Variants in MYRFL observed in about 807,000 individuals in gnomAD.
The protein encoded by MYRFL is myelin regulatory factor like.
Under a neutral mutation model 109.4 loss-of-function variants are expected in MYRFL, and 88 were observed. That is an observed-to-expected ratio of 0.80 (90% CI 0.68 to 0.96). The LOEUF is 0.96. Among genes scored for constraint, MYRFL ranks in the 40% least tolerant of loss-of-function variants. The pLI is 0.00. For missense variants in MYRFL, 957 were observed against 954.9 expected, an observed-to-expected ratio of 1.00 and a Z score of -0.03; for synonymous variants, 324 against 320.9, an observed-to-expected ratio of 1.01 and a Z score of -0.10.
Position 69,910,851 on chromosome 12 carries a change from T to C in MYRFL, c.1523T>C (p.Leu508Pro). The C allele has an allele frequency of 6.5e-7, 1 of 1,535,310 alleles. No homozygotes were observed. Among genetic ancestry groups the C allele is most frequent in the Non-Finnish European group, 8.7e-7 (1 of 1,146,350 alleles). ...GMIAQEVQEILPRAVREVGDV... is the reference protein window; with the variant it reads ...GMIAQEVQEIPPRAVREVGDV... ...ATTGCCCAGGAGGTGCAAGAAATCC[T>C]GCCCAGAGCAGTAAGAGAGGTTGGT... The change falls in exon 13 of 25, where the codon CTG becomes CCG. Residue 508 changes from leucine (L) to proline (P), a missense_variant. By Grantham distance (98) the Leu-to-Pro change is moderately conservative (BLOSUM62 -3). Transcript: ENST00000552032.
At chr12:69,912,675 A>G (rs1322586677) in intron 13 of MYRFL, among the ~76,000 whole-genome samples, 1 of 152,134 alleles carries the variant, frequency 6.6e-6, no homozygotes, top group African/African-American at 2.4e-5. Context: ...TTTCACCTTT[A>G]TTCACATTTT....
At chr12:69,943,835 A>G (rs532821609) in intron 19 of MYRFL, among the ~76,000 whole-genome samples, 35 of 152,262 alleles carry the variant, frequency 2.3e-4, no homozygotes, top group Non-Finnish European at 4.6e-4. Context: ...ACACATTTAC[A>G]AGAAAAAAAC....
chr12:69,921,964 A>G (rs927486833), intron 13 of MYRFL, among the ~76,000 whole-genome samples: 3 of 152,236 alleles, frequency 2.0e-5, no homozygotes, highest in African/African-American at 7.2e-5. Flanking sequence ...GAGCTAAATC[A>G]TAAATTAATG....
intron 2 of MYRFL, among the ~76,000 whole-genome samples, chr12:69,859,273 C>A (rs1884490864): frequency 6.6e-6 from 1 of 152,084 alleles, no homozygotes; most frequent in East Asian, 1.9e-4. Context: ...TATGATCTAT[C>A]TTGGTGAATG....
chr12:69,945,266 A>T (rs1418237622), intron 19 of MYRFL, among the ~76,000 whole-genome samples: 1 of 152,136 alleles, frequency 6.6e-6, no homozygotes, highest in Non-Finnish European at 1.5e-5. Context: ...CTTCAGATTC[A>T]CTCACCGCTC....
intron 2 of MYRFL, among the ~76,000 whole-genome samples, chr12:69,868,839 A>G (rs2136327862): frequency 6.6e-6 from 1 of 152,330 alleles, no homozygotes; most frequent in East Asian, 1.9e-4. Context: ...GTACACACAC[A>G]TGCACAGCAT....
At chr12:69,915,020 T>G (rs1954689580) in intron 13 of MYRFL, among the ~76,000 whole-genome samples, 1 of 152,222 alleles carries the variant, frequency 6.6e-6, no homozygotes, top group African/African-American at 2.4e-5. Context: ...TAGACTTTGT[T>G]TGCTAGTTTA....
At chr12:69,851,444 A>G (rs182573928) in intron 1 of MYRFL, among the ~76,000 whole-genome samples, 1 of 152,236 alleles carries the variant, frequency 6.6e-6, no homozygotes, top group African/African-American at 2.4e-5. Context: ...ACTTATGAAC[A>G]TCAAAACATG....
At chr12:69,953,604 C>G (rs1206921487) in intron 21 of MYRFL, among the ~76,000 whole-genome samples, 2 of 151,884 alleles carry the variant, frequency 1.3e-5, no homozygotes, top group Non-Finnish European at 2.9e-5. Context: ...TCCTGTCTCT[C>G]CAAACAAACA....
chr12:69,903,910 G>A, intron 11 of MYRFL, 66 bp downstream of exon 11: 1 of 1,393,010 alleles, frequency 7.2e-7, no homozygotes, highest in Non-Finnish European at 9.5e-7. Flanking sequence ...GGGTGCTCCT[G>A]GCCTCTGACA....
At chr12:69,946,014 A>AAAT (rs1955829299) in intron 19 of MYRFL, among the ~76,000 whole-genome samples, 2 of 142,726 alleles carry the variant, frequency 1.4e-5, no homozygotes, top group East Asian at 2.0e-4. Flanking sequence ...AAAAAAAAAA[A>AAAT]TTATAGAAAC....
At chr12:69,925,667 CT>C in intron 13 of MYRFL, among the ~76,000 whole-genome samples, 1 of 152,146 alleles carries the variant, frequency 6.6e-6, no homozygotes, top group Non-Finnish European at 1.5e-5. Flanking sequence ...CATATGACAA[CT>C]GAAGTGTGTG....
intron 19 of MYRFL, among the ~76,000 whole-genome samples, chr12:69,943,021 G>T (rs1955712564): frequency 6.6e-6 from 1 of 150,570 alleles, no homozygotes; most frequent in African/African-American, 2.5e-5. Context: ...CGCTGCTCAA[G>T]GAAATAAAAG....
intron 12 of MYRFL, among the ~76,000 whole-genome samples, 181 bp downstream of exon 12, chr12:69,910,258 C>G (rs1170691281): frequency 3.9e-5 from 6 of 152,160 alleles, no homozygotes; most frequent in Admixed American, 3.9e-4. Flanking sequence ...CATTTTTACT[C>G]AACACCCCCA....
At chr12:69,877,046 C>T (rs1358780953) in intron 2 of MYRFL, among the ~76,000 whole-genome samples, 4 of 45,258 alleles carry the variant, frequency 8.8e-5, no homozygotes. Context: ...TTTTTTGAGA[C>T]GGAGTCTCGC....
At chr12:69,925,151 G>A (rs571247572) in intron 13 of MYRFL, among the ~76,000 whole-genome samples, 2 of 152,254 alleles carry the variant, frequency 1.3e-5, no homozygotes, top group East Asian at 3.9e-4. Context: ...GAGATACTGG[G>A]TATGATGGGA....
chr12:69,936,923 T>C (rs994011692), intron 19 of MYRFL, among the ~76,000 whole-genome samples: 1 of 152,206 alleles, frequency 6.6e-6, no homozygotes, highest in Admixed American at 6.5e-5. Flanking sequence ...GCGAAGTAAT[T>C]ACATGCACGT....
At chr12:69,953,238 T>C (rs1048125133) in intron 21 of MYRFL, among the ~76,000 whole-genome samples, 2 of 152,186 alleles carry the variant, frequency 1.3e-5, no homozygotes, top group African/African-American at 4.8e-5. Flanking sequence ...TGCTCATGGC[T>C]CCAAGTTACA....
intron 2 of MYRFL, among the ~76,000 whole-genome samples, chr12:69,873,182 GGAA>G (rs551215836): frequency 3.0e-4 from 45 of 152,178 alleles, no homozygotes; most frequent in South Asian, 2.5e-3. Context: ...GGGCCACATC[GGAA>G]GAAGAAGAAT....
Sources: gnomAD v4.1 joint callset for allele counts (sites outside exome capture counted in the v4.1 genomes callset) on GRCh38, gnomAD v4.1.1 for gene constraint, MANE v1.5 for transcripts, NCBI Gene and HGNC (gene_info 2026-07-23, HGNC 2026-07-21) for gene names.